Variants in TRIM37 observed in about 807,000 individuals in gnomAD.
TRIM37 encodes tripartite motif containing 37.
Under a neutral mutation model 129.8 loss-of-function variants are expected in TRIM37, and 80 were observed. The observed-to-expected ratio is 0.62, with a 90% CI of 0.51 to 0.74. The LOEUF (loss-of-function observed/expected upper bound fraction) is 0.74. Among genes scored for constraint, TRIM37 ranks in the 30% least tolerant of loss-of-function variants. TRIM37 has a pLI of 0.00. For synonymous variants in TRIM37, 389 were observed against 387.1 expected (o/e 1.00, Z -0.06); for missense variants, 1,054 against 1,176.5 (o/e 0.90, Z 1.52).
chr17:59,066,587 T>G (rs2041937525), intron 9 of TRIM37, among the ~76,000 whole-genome samples: 1 of 152,194 alleles, frequency 6.6e-6, no homozygotes, highest in Non-Finnish European at 1.5e-5. Context: ...CTAACACTCA[T>G]GAACCAAGAG....
rs1414018841 is a variant in TRIM37, at chr17:58,998,430, C to T, written c.*947G>A. 1 of 985,298 alleles carries T rather than the reference C, an allele frequency of 1.0e-6. No homozygotes were observed. Among genetic ancestry groups the T allele is most frequent in the Non-Finnish European group, 1.2e-6 (1 of 829,944 alleles). The allele number at this position is 985,298 out of a possible 1,614,324, so 61.0% of individuals were successfully genotyped here. ...TTCCACAAATATATAGCAGCTCAAA[C>T]ACAAATGCAGGAGCACAATGGCAAA... On this transcript the variant is annotated 3_prime_UTR_variant, in exon 24 of 24. Transcript: ENST00000262294.
At chr17:59,051,151 T>C in intron 14 of TRIM37, 63 bp downstream of exon 14, 1 of 1,023,266 alleles carries the variant, frequency 9.8e-7, no homozygotes, top group African/African-American at 1.6e-5. Context: ...AAAATCTAAT[T>C]ACAAATATAA....
At chr17:59,103,245 G>A (rs180718563) in intron 2 of TRIM37, among the ~76,000 whole-genome samples, 1 of 152,238 alleles carries the variant, frequency 6.6e-6, no homozygotes, top group African/African-American at 2.4e-5. Context: ...ATAATTGAAG[G>A]GGAATGTGAA....
chr17:59,097,162 C>T (rs2044975530), intron 2 of TRIM37, among the ~76,000 whole-genome samples: 1 of 152,040 alleles, frequency 6.6e-6, no homozygotes. Context: ...TCATAGTCAA[C>T]GATTCAAAGG....
At chr17:58,994,969 G>C (rs568506120), downstream of TRIM37, among the ~76,000 whole-genome samples, 1 of 151,902 alleles carries the variant, frequency 6.6e-6, no homozygotes, top group Non-Finnish European at 1.5e-5. Context: ...GGTTGGTCTC[G>C]AACTCCCGAC....
chr17:59,079,770 C>T lies in TRIM37; in HGVS notation c.600G>A (p.Lys200=), dbSNP rs372447673. ...IARLDTQLKN[K]LITLMGQKTS... is the part of the protein sequence containing the mutation. ...AACACTTACCCATCAGTGTTATAAG[C>T]TTATTCTTCAGCTGTGTGTCTAACC... is the stretch of plus-strand genomic sequence containing the variant. The change falls in exon 7 of 24, where the codon AAG becomes AAA. Residue 200 remains lysine, a synonymous_variant. Coordinates refer to ENST00000262294, the MANE Select transcript of TRIM37 (RefSeq NM_015294.6). 5 of 1,613,896 alleles carry T rather than the reference C, an allele frequency of 3.1e-6. No individual in the cohort carries two copies. The highest frequency in any genetic ancestry group is 3.4e-6 in the Non-Finnish European group (4 of 1,179,946).
Position 59,079,872 on chromosome 17 carries a change from C to T in TRIM37, c.498G>A (p.Arg166=), listed in dbSNP as rs2043120433. 1.2e-6 allele frequency: 2 copies of T among 1,613,828 alleles called. No individual in the cohort carries two copies. Among genetic ancestry groups the T allele is most frequent in the African/African-American group, 2.7e-5 (2 of 75,032 alleles). Residue 166 remains arginine, a synonymous_variant, in exon 7 of 24, where the codon AGG becomes AGA. Coordinates refer to ENST00000262294, the MANE Select transcript of TRIM37 (RefSeq NM_015294.6). The part of the protein sequence containing the change: ...ELISLVQEVE[R]NVEAVRNAKD... ...TTGCATTTCTTACAGCTTCTACATT[C>T]CTTTCCTAGAAGATAAAGAGGTAAG...
At chr17:58,968,131 G>A in the TRIM37 span, among the ~76,000 whole-genome samples, 29 of 152,076 alleles carry the variant, frequency 1.9e-4, no homozygotes, top group East Asian at 1.7e-3. Flanking sequence ...TGTTTAATCC[G>A]TCCTTCATGT....
intron 8 of TRIM37, among the ~76,000 whole-genome samples, chr17:59,073,486 G>T (rs2042559051): frequency 1.3e-5 from 2 of 152,172 alleles, no homozygotes; most frequent in South Asian, 2.1e-4. Flanking sequence ...TAGAGACGGG[G>T]TTTCACCATG....
At chr17:59,039,258 C>T (rs2038887485) in intron 17 of TRIM37, among the ~76,000 whole-genome samples, 1 of 152,076 alleles carries the variant, frequency 6.6e-6, no homozygotes, top group South Asian at 2.1e-4. Flanking sequence ...ACTTATTCAG[C>T]ATCAATTCCT....
intron 8 of TRIM37, among the ~76,000 whole-genome samples, chr17:59,073,876 G>A (rs1165046911): frequency 6.6e-6 from 1 of 152,192 alleles, no homozygotes; most frequent in East Asian, 1.9e-4. Flanking sequence ...ACGGGTACTA[G>A]CACATATGGA....
At chr17:59,105,099 A>AG (rs1443607670) in intron 1 of TRIM37, among the ~76,000 whole-genome samples, 1 of 151,508 alleles carries the variant, frequency 6.6e-6, no homozygotes, top group Non-Finnish European at 1.5e-5. Context: ...CTCAAAAAAA[A>AG]AAAAAAAGAA....
intron 2 of TRIM37, among the ~76,000 whole-genome samples, chr17:59,100,839 A>G (rs1824512805): frequency 6.6e-6 from 1 of 152,132 alleles, no homozygotes; most frequent in Admixed American, 6.5e-5. Flanking sequence ...CCTGACCAAC[A>G]TGGTGAAACC....
At chr17:59,035,136 C>T (rs549144234) in intron 17 of TRIM37, among the ~76,000 whole-genome samples, 1 of 151,888 alleles carries the variant, frequency 6.6e-6, no homozygotes, top group African/African-American at 2.4e-5. Flanking sequence ...CTTGGCTCAC[C>T]GCAACTTCCA....
intron 4 of TRIM37, 132 bp from the exon 5 acceptor site, chr17:59,084,221 C>A: frequency 1.4e-6 from 1 of 706,298 alleles, no homozygotes; most frequent in Non-Finnish European, 2.4e-6. Flanking sequence ...AAAATGTACT[C>A]CATGGCTTCT....
intron 17 of TRIM37, among the ~76,000 whole-genome samples, chr17:59,040,202 G>T (rs1027207585): frequency 6.6e-6 from 1 of 152,040 alleles, no homozygotes; most frequent in African/African-American, 2.4e-5. Flanking sequence ...CACCAAGACT[G>T]GTAGAGAAGT....
Position 59,028,612 on chromosome 17 carries a change from C to A in TRIM37, c.2060G>T (p.Cys687Phe). 6.2e-7 allele frequency: 1 copy of A among 1,614,232 alleles called. No homozygotes were observed. The highest frequency in any genetic ancestry group is 8.5e-7 in the Non-Finnish European group (1 of 1,180,034). The part of the protein sequence containing the change: ...RLKTQMAEVR[C>F]MKTDVKNTLS... Reference sequence around the variant, plus strand: ...TGTATTCTTTACATCAGTTTTCATACATCGAACTTCGGCCATTTGAGTTTT... The same window carrying A: ...TGTATTCTTTACATCAGTTTTCATAAATCGAACTTCGGCCATTTGAGTTTT... The change falls in exon 19 of 24, where the codon TGT (cysteine) becomes TTT (phenylalanine). Residue 687 changes from cysteine to phenylalanine, a missense_variant. Physicochemically the swap from Cys to Phe is radical, Grantham distance 205. Transcript: ENST00000262294.
chr17:59,091,977 AT>A (rs1158400030), intron 2 of TRIM37, among the ~76,000 whole-genome samples: 3 of 151,238 alleles, frequency 2.0e-5, no homozygotes, highest in Non-Finnish European at 4.4e-5. Flanking sequence ...TACTAAATTT[AT>A]TTTTTGAAAA....
At chr17:58,972,867 C>T in the TRIM37 span, 8 of 1,612,886 alleles carry the variant, frequency 5.0e-6, no homozygotes, top group Non-Finnish European at 4.2e-6. Context: ...TTGGAGGTTG[C>T]GTAGTCTGGT....
Sources: gnomAD v4.1 joint callset for allele counts (sites outside exome capture counted in the v4.1 genomes callset) on GRCh38, gnomAD v4.1.1 for gene constraint, MANE v1.5 for transcripts, NCBI Gene and HGNC (gene_info 2026-07-23, HGNC 2026-07-21) for gene names.